Variants in KDM4C observed in about 807,000 individuals in gnomAD.
The protein encoded by KDM4C is lysine demethylase 4C.
In KDM4C, 81 loss-of-function variants were observed where a neutral mutation model predicts 129.3. That is an observed-to-expected ratio of 0.63 (90% CI 0.52 to 0.75). The LOEUF (loss-of-function observed/expected upper bound fraction) is 0.75. Ranked by LOEUF, KDM4C falls within the 30% of genes least tolerant of loss-of-function variation. The pLI is 0.00. For synonymous variants in KDM4C, 573 were observed against 456.1 expected (o/e 1.26, Z -3.26); for missense variants, 1,457 against 1,304.0 (o/e 1.12, Z -1.81).
chr9:6,950,825 C>T (rs546421821), intron 8 of KDM4C, among the ~76,000 whole-genome samples: 41 of 152,088 alleles, frequency 2.7e-4, no homozygotes, highest in Non-Finnish European at 3.7e-4. Flanking sequence ...GGTTCAGTAT[C>T]TTTTCTTTGA....
chr9:6,814,035 T>A (rs4740860), intron 3 of KDM4C, among the ~76,000 whole-genome samples: 85,175 of 151,906 alleles, frequency 0.56, 24,438 homozygotes, highest in African/African-American at 0.69. Context: ...GAATTTCTAC[T>A]TTTAGATTTT....
chr9:6,943,524 C>A (rs898507587), intron 8 of KDM4C, among the ~76,000 whole-genome samples: 2 of 151,912 alleles, frequency 1.3e-5, no homozygotes, highest in East Asian at 1.9e-4. Flanking sequence ...GCCTGGGTAA[C>A]GTTAGCTGAG....
At chr9:6,969,393 T>A (rs1011416515) in intron 8 of KDM4C, among the ~76,000 whole-genome samples, 1 of 152,228 alleles carries the variant, frequency 6.6e-6, no homozygotes, top group African/African-American at 2.4e-5. Context: ...AAATCAAGCC[T>A]CCACATTAAG....
chr9:6,888,737 A>AGCT (rs1402819813), intron 7 of KDM4C, among the ~76,000 whole-genome samples: 1 of 151,324 alleles, frequency 6.6e-6, no homozygotes, highest in Non-Finnish European at 1.5e-5. Flanking sequence ...TTAAGTACTT[A>AGCT]GCTGCTTGCA....
intron 7 of KDM4C, among the ~76,000 whole-genome samples, chr9:6,891,888 A>C (rs1846162422): frequency 6.6e-6 from 1 of 152,184 alleles, no homozygotes; most frequent in African/African-American, 2.4e-5. Flanking sequence ...CATGGGATAT[A>C]CAGGTATATG....
intron 17 of KDM4C, among the ~76,000 whole-genome samples, chr9:7,061,661 T>G (rs1041407324): frequency 6.6e-6 from 1 of 152,198 alleles, no homozygotes; most frequent in African/African-American, 2.4e-5. Flanking sequence ...GCAGGTGGTC[T>G]CAGTGCTCCT....
intron 4 of KDM4C, among the ~76,000 whole-genome samples, chr9:6,849,224 G>A (rs1282200006): frequency 6.6e-6 from 1 of 152,204 alleles, no homozygotes; most frequent in Non-Finnish European, 1.5e-5. Context: ...CAAGTTGGGA[G>A]TGGGTCTGTA....
chr9:7,006,784 A>C (rs7866390), intron 12 of KDM4C, among the ~76,000 whole-genome samples: 57,548 of 151,950 alleles, frequency 0.38, 12,009 homozygotes, highest in Non-Finnish European at 0.46. Context: ...ATTCTGCCAG[A>C]AATATTCAGA....
chr9:6,816,495 T>C (rs1398401224), intron 4 of KDM4C, among the ~76,000 whole-genome samples: 2 of 152,252 alleles, frequency 1.3e-5, no homozygotes, highest in Admixed American at 1.3e-4. Context: ...GTGGCCTGTT[T>C]CTGAATTTTA....
rs199621992 is a variant in KDM4C at position 7,128,175 on chromosome 9, T to G, written c.2720T>G (p.Phe907Cys). Residue 907 changes from phenylalanine to cysteine, a missense_variant, in exon 19 of 22, where the codon TTC becomes TGC. By Grantham distance (205) the Phe-to-Cys change is radical. Coordinates refer to ENST00000381309, the MANE Select transcript of KDM4C (RefSeq NM_015061.6). Reference protein sequence around the residue: ...CRVMAVTSQTFYEVMFDDGSF... With the variant: ...CRVMAVTSQTCYEVMFDDGSF... ...GTGATGGCTGTGACATCGCAGACCT[T>G]CTATGAGGTCATGTTTGATGATGGC... is the stretch of plus-strand genomic sequence containing the variant. The G allele has an allele frequency of 3.1e-5, 50 of 1,612,222 alleles. No individual in the cohort carries two copies. The East Asian group carries it at 1.1e-3, about 35-fold the overall frequency.
At chr9:6,881,342 C>T (rs554736557) in intron 6 of KDM4C, among the ~76,000 whole-genome samples, 3 of 151,984 alleles carry the variant, frequency 2.0e-5, no homozygotes, top group South Asian at 2.1e-4. Context: ...GTAATAATAG[C>T]GATTGATGTA....
rs188210457 is a variant in KDM4C, at chr9:7,009,849, A to C, written c.1787-1849A>C. Among the ~76,000 whole-genome samples, 105 of 152,320 alleles carry C rather than the reference A, an allele frequency of 6.9e-4. 1 individual carries two copies. Among genetic ancestry groups the C allele is most frequent in the African/African-American group, 2.2e-3 (92 of 41,560 alleles). On this transcript the variant is annotated intron_variant, in intron 12 of 21. Transcript: ENST00000381309. ...ACTCTACTTACATGCAATTTTTTTC[A>C]ATAAATACATTAGAACATTTCTCAT...
Position 6,981,028 on chromosome 9 carries a change from C to G in KDM4C, c.1025C>G (p.Thr342Ser). The stretch of plus-strand genomic sequence containing the variant: ...TGGAAACAAGGAAAGGATATATACA[C>G]CATTGATCACACGAAGCCTACTCCA... ...QLWKQGKDIY[T>S]IDHTKPTPAS... Residue 342 changes from threonine to serine, a missense_variant, in exon 9 of 22, where the codon ACC (threonine) becomes AGC (serine). Transcript: ENST00000381309. The G allele has an allele frequency of 1.2e-6, 2 of 1,613,814 alleles. No homozygotes were observed. The highest frequency in any genetic ancestry group is 1.3e-5 in the African/African-American group (1 of 75,010).
At chr9:6,823,861 C>T (rs558487239) in intron 4 of KDM4C, among the ~76,000 whole-genome samples, 8 of 152,338 alleles carry the variant, frequency 5.3e-5, no homozygotes, top group South Asian at 2.1e-4. Context: ...TCCAACTCTT[C>T]GTAGGCTTCT....
chr9:7,170,546 C>T (rs1485287284), intron 21 of KDM4C: 1 of 963,954 alleles, frequency 1.0e-6, no homozygotes, highest in Non-Finnish European at 1.2e-6. Context: ...AAATATAATT[C>T]ACAATAATTT....
intron 8 of KDM4C, among the ~76,000 whole-genome samples, chr9:6,905,287 A>G (rs1022060998): frequency 5.3e-5 from 8 of 152,188 alleles, no homozygotes; most frequent in Non-Finnish European, 4.4e-5. Context: ...GGAAAAGACT[A>G]TGAAGAAACA....
chr9:7,173,809 A>G (rs1415129117), intron 21 of KDM4C, among the ~76,000 whole-genome samples: 2 of 152,222 alleles, frequency 1.3e-5, no homozygotes, highest in African/African-American at 2.4e-5. Context: ...CCTCTGAGAC[A>G]GGGACTTTGT....
chr9:7,160,709 C>G (rs975731285), intron 19 of KDM4C, among the ~76,000 whole-genome samples: 76 of 152,270 alleles, frequency 5.0e-4, no homozygotes, highest in Middle Eastern at 3.4e-3. Flanking sequence ...AAGCTTCGTC[C>G]CAGAAGGGGA....
intron 4 of KDM4C, among the ~76,000 whole-genome samples, chr9:6,844,362 A>G (rs749714575): frequency 6.6e-6 from 1 of 152,164 alleles, no homozygotes; most frequent in Admixed American, 6.5e-5. Flanking sequence ...ACCCCTTCAC[A>G]CACCCCGGGT....
Sources: allele counts gnomAD v4.1 joint callset (sites outside exome capture counted in the v4.1 genomes callset), GRCh38; gene constraint gnomAD v4.1.1; transcripts MANE v1.5; gene names NCBI Gene and HGNC (gene_info 2026-07-23, HGNC 2026-07-21).